The following SNTG2 variants were observed in gnomAD, a reference collection of about 807,000 sequenced individuals.
SNTG2 encodes syntrophin gamma 2.
Under a neutral mutation model 70.9 loss-of-function variants are expected in SNTG2, and 74 were observed. That is an observed-to-expected ratio of 1.04 (90% CI 0.86 to 1.27). SNTG2 has a LOEUF of 1.27. Among genes scored for constraint, SNTG2 ranks in the 50% most tolerant of loss-of-function variants. SNTG2 has a pLI of 0.00. For missense variants in SNTG2, 717 were observed against 690.7 expected (o/e 1.04, Z -0.43); for synonymous variants, 278 against 273.8 (o/e 1.02, Z -0.15).
chr2:1,049,273 C>T (rs866681232), intron 1 of SNTG2, among the ~76,000 whole-genome samples: 4 of 152,308 alleles, frequency 2.6e-5, no homozygotes, highest in Middle Eastern at 3.4e-3. Flanking sequence ...TAGTTTCATA[C>T]AGAGTCACTT....
intron 1 of SNTG2, among the ~76,000 whole-genome samples, chr2:988,358 T>G (rs1032266477): frequency 6.6e-6 from 1 of 152,254 alleles, no homozygotes; most frequent in Non-Finnish European, 1.5e-5. Flanking sequence ...CTGGCCATAC[T>G]GGCCTGTTCT....
At chr2:1,195,516 G>A (rs1010711879) in intron 8 of SNTG2, among the ~76,000 whole-genome samples, 1 of 152,160 alleles carries the variant, frequency 6.6e-6, no homozygotes, top group Non-Finnish European at 1.5e-5. Context: ...CTGCATAAAT[G>A]TCTTCTTTTG....
chr2:1,349,382 G>T lies in SNTG2; in HGVS notation c.1489-17961G>T, dbSNP rs1660461973. 2.0e-5 allele frequency among the ~76,000 whole-genome samples: 3 copies of T among 152,238 alleles called. No individual in the cohort carries two copies. The South Asian group carries it at 6.2e-4, about 32-fold the overall frequency. On this transcript the variant is annotated intron_variant, in intron 16 of 16. Coordinates refer to ENST00000308624, the MANE Select transcript of SNTG2 (RefSeq NM_018968.4). ...GACTCCTGAGCAGTAAGCAAGTTAA[G>T]AAACAATGACTAGTTATGATTTACC... is the stretch of plus-strand genomic sequence containing the variant.
chr2:1,083,384 G>C, intron 1 of SNTG2, 134 bp from the exon 2 acceptor site: 1 of 760,172 alleles, frequency 1.3e-6, no homozygotes, highest in Non-Finnish European at 2.1e-6. Context: ...TATCGGTTGA[G>C]CACAGATCTG....
At position 1,197,515 on chromosome 2, in the gene SNTG2, A is replaced by ATATGTG. The variant is rs71392572; in HGVS notation, c.592-11587_592-11586insATGTGT. On this transcript the variant is annotated intron_variant, in intron 8 of 16. Transcript: ENST00000308624. ...TATGTATATATGTGTATGTATATAT[A>ATATGTG]TGTGTGTGTGTGTGTGTGTGTGTGT... Among the ~76,000 whole-genome samples, 10 of 128,380 alleles carry ATATGTG rather than the reference A, an allele frequency of 7.8e-5. No individual in the cohort carries two copies. In the South Asian group the frequency reaches 8.3e-4, roughly 11 times the overall value. The allele number at this position is 128,380 out of a possible 152,430, so 84.2% of individuals were successfully genotyped here.
chr2:1,131,682 C>G (rs1295545128), intron 4 of SNTG2, among the ~76,000 whole-genome samples: 3 of 150,846 alleles, frequency 2.0e-5, no homozygotes, highest in Non-Finnish European at 4.4e-5. Context: ...GACAGAGTCT[C>G]ACTCTGTTGC....
At chr2:962,979 C>T (rs1660402750) in intron 1 of SNTG2, among the ~76,000 whole-genome samples, 1 of 152,160 alleles carries the variant, frequency 6.6e-6, no homozygotes, top group Non-Finnish European at 1.5e-5. Flanking sequence ...AAGGTGAATA[C>T]TGATGATTTT....
chr2:1,098,859 G>A (rs11889304), intron 4 of SNTG2, among the ~76,000 whole-genome samples: 18,639 of 152,180 alleles, frequency 0.12, 1,318 homozygotes, highest in Admixed American at 0.16. Context: ...AACGCCGTCC[G>A]TTCTGCACTT....
chr2:1,048,521 G>C (rs1371697380), intron 1 of SNTG2, among the ~76,000 whole-genome samples: 4 of 151,986 alleles, frequency 2.6e-5, no homozygotes, highest in Non-Finnish European at 4.4e-5. Flanking sequence ...GCTTGTAGTT[G>C]CACTTTGTAT....
At chr2:1,279,671 C>T (rs1272901463) in intron 14 of SNTG2, among the ~76,000 whole-genome samples, 1 of 152,128 alleles carries the variant, frequency 6.6e-6, no homozygotes, top group East Asian at 1.9e-4. Flanking sequence ...GTGCTTTTTG[C>T]GATGTTTTCA....
At chr2:1,246,406 G>A (rs556789753) in intron 11 of SNTG2, among the ~76,000 whole-genome samples, 4 of 152,130 alleles carry the variant, frequency 2.6e-5, no homozygotes, top group African/African-American at 4.8e-5. Flanking sequence ...TGGAGCTGGC[G>A]CCGGCTGTGA....
At chr2:1,239,712 C>T in intron 10 of SNTG2, 26 bp from the exon 11 acceptor site, 4 of 1,612,222 alleles carry the variant, frequency 2.5e-6, no homozygotes, top group Non-Finnish European at 3.4e-6. Flanking sequence ...GGCTGTGGCC[C>T]TGACTCTTCT....
intron 8 of SNTG2, among the ~76,000 whole-genome samples, chr2:1,205,355 A>G (rs1397906854): frequency 6.6e-6 from 1 of 152,206 alleles, no homozygotes. Flanking sequence ...AAATGCACCC[A>G]TCTGGGCACA....
At chr2:1,247,489 C>A in intron 12 of SNTG2, 46 bp downstream of exon 12, 1 of 1,356,134 alleles carries the variant, frequency 7.4e-7, no homozygotes, top group Non-Finnish European at 1.1e-6. Flanking sequence ...GCTGGGAGGG[C>A]TATTCCTGTA....
intron 4 of SNTG2, among the ~76,000 whole-genome samples, chr2:1,110,686 G>GGCCTTT (rs888425864): frequency 4.1e-4 from 63 of 152,244 alleles, no homozygotes; most frequent in African/African-American, 1.3e-3. Flanking sequence ...CACACCGCTG[G>GGCCTTT]GCCTTTGCCT....
intron 14 of SNTG2, among the ~76,000 whole-genome samples, chr2:1,293,320 A>G (rs1285691613): frequency 2.0e-5 from 3 of 151,446 alleles, no homozygotes; most frequent in Non-Finnish European, 2.9e-5. Flanking sequence ...GCATCCATTG[A>G]TTTTCTATAT....
At chr2:1,233,245 A>G (rs931984452) in intron 9 of SNTG2, among the ~76,000 whole-genome samples, 1 of 152,348 alleles carries the variant, frequency 6.6e-6, no homozygotes, top group East Asian at 1.9e-4. Flanking sequence ...CCACAGCACA[A>G]GGGAAGCAGA....
chr2:1,242,919 C>G (rs1285691207), intron 11 of SNTG2: 2 of 152,188 alleles, frequency 1.3e-5, no homozygotes, highest in African/African-American at 4.8e-5. Flanking sequence ...GGAGATGTTT[C>G]TAAAAGTATA....
chr2:1,292,080 A>G lies in SNTG2; in HGVS notation c.1285-16414A>G, dbSNP rs556781812. Reference sequence around the variant, plus strand: ...TGGCTTAGTTAATTCCATATATTTTATTCTTTTTGATGCTATTGTAAATGA... The same window carrying G: ...TGGCTTAGTTAATTCCATATATTTTGTTCTTTTTGATGCTATTGTAAATGA... On this transcript the variant is annotated intron_variant, in intron 14 of 16. Coordinates refer to ENST00000308624, the MANE Select transcript of SNTG2 (RefSeq NM_018968.4). Among the ~76,000 whole-genome samples the G allele has an allele frequency of 7.4e-4, 112 of 152,212 alleles. 2 individuals carry two copies. Among genetic ancestry groups the G allele is most frequent in the Non-Finnish European group, 6.2e-4 (42 of 67,988 alleles).
Sources: gnomAD v4.1 joint callset for allele counts (sites outside exome capture counted in the v4.1 genomes callset) on GRCh38, gnomAD v4.1.1 for gene constraint, MANE v1.5 for transcripts, NCBI Gene and HGNC (gene_info 2026-07-23, HGNC 2026-07-21) for gene names.